PPP1R3C: variants seen among roughly 807,000 people sequenced by gnomAD.
PPP1R3C encodes PP1 subunit R5.
A neutral mutation model predicts 29.3 loss-of-function variants in PPP1R3C; 20 were observed. The observed-to-expected ratio is 0.68, with a 90% CI of 0.48 to 0.99. The LOEUF is 0.99. PPP1R3C is among the 50% of genes least tolerant of loss of function. The pLI is 0.00. For synonymous variants in PPP1R3C, 123 were observed against 143.1 expected (o/e 0.86, Z 1.00); for missense variants, 321 against 386.0 (o/e 0.83, Z 1.41).
In PPP1R3C at chr10:91,630,135, T is replaced by C. The variant is rs373998228; in HGVS notation, c.746A>G (p.Asn249Ser). The C allele has an allele frequency of 1.2e-5, 19 of 1,614,088 alleles. 1 individual carries two copies. The highest frequency in any genetic ancestry group is 2.7e-5 in the African/African-American group (2 of 74,932). The change falls in exon 2 of 2, where the codon AAT becomes AGT. Residue 249 changes from asparagine to serine, a missense_variant. By Grantham distance (46) the Asn-to-Ser change is conservative. Coordinates refer to ENST00000238994, the MANE Select transcript of PPP1R3C (RefSeq NM_005398.7). This position sits in a 1 kb window ranked among gnomAD's most constrained non-coding sequence, Gnocchi z 4.4. ...HANGQVFWDN[N>S]DGQNYRIVHV... ...AACAATTCTATAATTCTGACCATCA[T>C]TGTTGTCCCAAAAGACTTGCCCATT... is the stretch of plus-strand genomic sequence containing the variant.
In PPP1R3C at chr10:91,630,683, G is replaced by C. The variant is rs556340125; in HGVS notation, c.198C>G (p.His66Gln). Residue 66 changes from histidine to glutamine, a missense_variant, in exon 2 of 2, where the codon CAC becomes CAG. Coordinates refer to ENST00000238994, the MANE Select transcript of PPP1R3C (RefSeq NM_005398.7). This position sits in a 1 kb window ranked among gnomAD's most constrained non-coding sequence, Gnocchi z 4.4. ...TCCAGTCATTCTGTGATTTGGCTTTGTGTTTTATATTGAGACATGATTTCA... is the reference window on the plus strand; with the variant it reads ...TCCAGTCATTCTGTGATTTGGCTTTCTGTTTTATATTGAGACATGATTTCA... ...KPLKSCLNIK[H>Q]KAKSQNDWKC... is the part of the protein sequence containing the mutation. The C allele has an allele frequency of 6.2e-7, 1 of 1,613,378 alleles. No homozygotes were observed. Among genetic ancestry groups the C allele is most frequent in the South Asian group, 1.1e-5 (1 of 91,068 alleles).
chr10:91,631,432 A>G (rs1466064668), intron 1 of PPP1R3C, among the ~76,000 whole-genome samples: 3 of 152,202 alleles, frequency 2.0e-5, no homozygotes, highest in African/African-American at 7.2e-5. Flanking sequence ...AGACAGGTTC[A>G]GGAGCCACAG....
rs192984005 is a variant in PPP1R3C, at chr10:91,630,931, C to T, written c.15-65G>A. 1.4e-6 allele frequency: 2 copies of T among 1,391,676 alleles called. No individual in the cohort carries two copies. The highest frequency in any genetic ancestry group is 2.3e-5 in the East Asian group (1 of 43,746). The allele number at this position is 1,391,676 out of a possible 1,614,324, so 86.2% of individuals were successfully genotyped here. A position where few individuals can be genotyped will look rare whatever the true frequency, so the allele number is the denominator to read the frequency against. On this transcript the variant is annotated intron_variant, in intron 1 of 1. Transcript: ENST00000238994. This position sits in a 1 kb window ranked among gnomAD's most constrained non-coding sequence, Gnocchi z 4.4. ...AAATGCTCTTCCCCAGTGCCAAATA[C>T]ATATGTACTATTTTTGTGCTGACTG...
rs752149540 is a variant in PPP1R3C, at chr10:91,630,286, C to G, written c.595G>C (p.Val199Leu). 2.5e-6 allele frequency: 4 copies of G among 1,614,090 alleles called. No individual in the cohort carries two copies. The highest frequency in any genetic ancestry group is 1.6e-4 in the Middle Eastern group (1 of 6,062). Residue 199 changes from valine to leucine, a missense_variant, in exon 2 of 2, where the codon GTA (valine) becomes CTA (leucine). Coordinates refer to ENST00000238994, the MANE Select transcript of PPP1R3C (RefSeq NM_005398.7). The surrounding 1 kb of genome is among the most constrained non-coding windows in gnomAD (Gnocchi z 4.4). ...TFDSWKNYTD[V>L]DCVYMKNVYG... Reference sequence around the variant, plus strand: ...ACATTTTTCATATAGACACAGTCTACGTCAGTGTAGTTTTTCCAAGAATCG... The same window carrying G: ...ACATTTTTCATATAGACACAGTCTAGGTCAGTGTAGTTTTTCCAAGAATCG...
At chr10:91,631,502 A>G (rs1848717565) in intron 1 of PPP1R3C, among the ~76,000 whole-genome samples, 1 of 149,940 alleles carries the variant, frequency 6.7e-6, no homozygotes, top group African/African-American at 2.5e-5. Context: ...ATTGATTGAC[A>G]CTTCTCTGGT....
intron 1 of PPP1R3C, among the ~76,000 whole-genome samples, chr10:91,632,186 C>T (rs1415559955): frequency 6.6e-6 from 1 of 152,174 alleles, no homozygotes; most frequent in African/African-American, 2.4e-5. Flanking sequence ...GTCATTATCA[C>T]AAAAGTGTGT....
chr10:91,631,340 C>T (rs1480623154), intron 1 of PPP1R3C, among the ~76,000 whole-genome samples: 1 of 151,966 alleles, frequency 6.6e-6, no homozygotes, highest in African/African-American at 2.4e-5. Context: ...TCCTGGGACT[C>T]AGAACTACTG....
chr10:91,630,823 T>G lies in PPP1R3C; in HGVS notation c.58A>C (p.Met20Leu), dbSNP rs750492579. Residue 20 changes from methionine to leucine, a missense_variant, in exon 2 of 2, where the codon ATG becomes CTG. Physicochemically the swap from Met to Leu is conservative, Grantham distance 15. Coordinates refer to ENST00000238994, the MANE Select transcript of PPP1R3C (RefSeq NM_005398.7). The surrounding 1 kb of genome is among the most constrained non-coding windows in gnomAD (Gnocchi z 4.4). ...LDPRPLTSSV[M>L]PVDVAMRLCL... ...AGCCTCATGGCCACATCCACGGGCA[T>G]GACCGAACTTGTCAAAGGACGTGGA... The G allele has an allele frequency of 2.5e-6, 4 of 1,613,950 alleles. No individual in the cohort carries two copies. Among genetic ancestry groups the G allele is most frequent in the South Asian group, 1.1e-5 (1 of 91,090 alleles).
In PPP1R3C at chr10:91,630,221, A is replaced by T. The variant is rs929470089; in HGVS notation, c.660T>A (p.Ile220=). 5 of 1,614,126 alleles carry T rather than the reference A, an allele frequency of 3.1e-6. No homozygotes were observed. The Admixed American group carries it at 8.3e-5, about 27-fold the overall frequency. The change falls in exon 2 of 2, where the codon ATT becomes ATA. Residue 220 remains isoleucine (I), a synonymous_variant. Coordinates refer to ENST00000238994, the MANE Select transcript of PPP1R3C (RefSeq NM_005398.7). This position sits in a 1 kb window ranked among gnomAD's most constrained non-coding sequence, Gnocchi z 4.4. The part of the protein sequence containing the change: ...GTDSDTFSFA[I]DLPPVIPTEQ... ...CAGTTGGAATGACAGGGGGTAAGTC[A>T]ATGGCAAATGAGAAGGTATCACTAT...
rs1186775361 is a variant in PPP1R3C at position 91,630,921 on chromosome 10, G to A, written c.15-55C>T. The A allele has an allele frequency of 6.8e-7, 1 of 1,467,636 alleles. No homozygotes were observed. Among genetic ancestry groups the A allele is most frequent in the Non-Finnish European group, 9.4e-7 (1 of 1,059,550 alleles). The allele number at this position is 1,467,636 out of a possible 1,614,324, so 90.9% of individuals were successfully genotyped here. On this transcript the variant is annotated intron_variant, in intron 1 of 1. Transcript: ENST00000238994. The surrounding 1 kb of genome is among the most constrained non-coding windows in gnomAD (Gnocchi z 4.4). ...CCTGGATCGGAAATGCTCTTCCCCA[G>A]TGCCAAATACATATGTACTATTTTT...
At chr10:91,632,008 CT>C (rs1209696794) in intron 1 of PPP1R3C, among the ~76,000 whole-genome samples, 2 of 152,148 alleles carry the variant, frequency 1.3e-5, no homozygotes. Context: ...ATAAAGAAGA[CT>C]TTTCTCTGAC....
intron 1 of PPP1R3C, among the ~76,000 whole-genome samples, chr10:91,631,067 GGC>G (rs1848713777): frequency 6.6e-6 from 1 of 152,176 alleles, no homozygotes; most frequent in Admixed American, 6.5e-5. Context: ...GCCGGCTAAA[GGC>G]TATTAATTGC....
chr10:91,629,961 C>T lies in PPP1R3C; in HGVS notation c.920G>A (p.Trp307Ter). Reference sequence around the variant, plus strand: ...AGAGGCCAAGTTCTCCATTCTCCCCCAGCTCTGCCACTCTGGGAAGAGCCC... The same window carrying T: ...AGAGGCCAAGTTCTCCATTCTCCCCTAGCTCTGCCACTCTGGGAAGAGCCC... ...ASGLFPEWQSWGRMENLASYR is the reference protein window; with the variant it reads ...ASGLFPEWQS The change falls in exon 2 of 2, where the codon TGG (tryptophan) becomes TAG (stop). Residue 307 changes from tryptophan to a stop codon, truncating the protein, a stop_gained. Transcript: ENST00000238994. LOFTEE classifies it high-confidence loss of function. 1 of 1,614,210 alleles carries T rather than the reference C, an allele frequency of 6.2e-7. No individual in the cohort carries two copies. Among genetic ancestry groups the T allele is most frequent in the East Asian group, 2.2e-5 (1 of 44,880 alleles).
chr10:91,632,230 G>C (rs1040424906), intron 1 of PPP1R3C, among the ~76,000 whole-genome samples: 17 of 152,100 alleles, frequency 1.1e-4, no homozygotes, highest in African/African-American at 3.1e-4. Context: ...TGTTAGCTCT[G>C]GGGTTTTTCT....
Position 91,630,602 on chromosome 10 carries a change from G to C in PPP1R3C, c.279C>G (p.Leu93=). ...AGAAGACATGGATCGCAGTGAGAGAGAGGCCCTTGGAGTCAGCAAACACAA... is the reference window on the plus strand; with the variant it reads ...AGAAGACATGGATCGCAGTGAGAGACAGGCCCTTGGAGTCAGCAAACACAA... The part of the protein sequence containing the change: ...KRVVFADSKG[L]SLTAIHVFSD... The change falls in exon 2 of 2, where the codon CTC becomes CTG. Residue 93 remains leucine (L), a synonymous_variant. Transcript: ENST00000238994. This position sits in a 1 kb window ranked among gnomAD's most constrained non-coding sequence, Gnocchi z 4.4. 6.2e-7 allele frequency: 1 copy of C among 1,611,804 alleles called. No homozygotes were observed. The highest frequency in any genetic ancestry group is 8.5e-7 in the Non-Finnish European group (1 of 1,178,234).
rs763449779 is a variant in PPP1R3C, at chr10:91,630,584, A to G, written c.297T>C (p.His99=). The G allele has an allele frequency of 1.2e-6, 2 of 1,613,836 alleles. No individual in the cohort carries two copies. Among genetic ancestry groups the G allele is most frequent in the East Asian group, 2.2e-5 (1 of 44,864 alleles). ...DSKGLSLTAI[H]VFSDLPEEPA... is the part of the protein sequence containing the mutation. ...GTTCTTCTGGGAGGTCGGAGAAGAC[A>G]TGGATCGCAGTGAGAGAGAGGCCCT... Residue 99 remains histidine, a synonymous_variant, in exon 2 of 2, where the codon CAT becomes CAC. Transcript: ENST00000238994. The surrounding 1 kb of genome is among the most constrained non-coding windows in gnomAD (Gnocchi z 4.4).
At chr10:91,631,638 C>G (rs992223634) in intron 1 of PPP1R3C, among the ~76,000 whole-genome samples, 1 of 152,086 alleles carries the variant, frequency 6.6e-6, no homozygotes, top group Non-Finnish European at 1.5e-5. Flanking sequence ...CAAATAACCA[C>G]TGAAATACAA....
Position 91,629,917 on chromosome 10 carries a change from G to A in PPP1R3C, c.*10C>T, listed in dbSNP as rs1290351951. 3 of 1,613,678 alleles carry A rather than the reference G, an allele frequency of 1.9e-6. No individual in the cohort carries two copies. Among genetic ancestry groups the A allele is most frequent in the East Asian group, 4.5e-5 (2 of 44,874 alleles). ...ATGACAAGTCAAGACCAGTTACATT[G>A]TTGCTTAATTCATCGATAAGAGGCC... On this transcript the variant is annotated 3_prime_UTR_variant, in exon 2 of 2. Transcript: ENST00000238994.
rs933599046 is a variant in PPP1R3C at position 91,629,530 on chromosome 10, C to T, written c.*397G>A. On this transcript the variant is annotated 3_prime_UTR_variant, in exon 2 of 2. Coordinates refer to ENST00000238994, the MANE Select transcript of PPP1R3C (RefSeq NM_005398.7). Reference sequence around the variant, plus strand: ...ATGATCAGACCTCCCACTCCTCTGACTTGAGCTTCAGAGCCCTTTGTGTAT... The same window carrying T: ...ATGATCAGACCTCCCACTCCTCTGATTTGAGCTTCAGAGCCCTTTGTGTAT... 4.8e-6 allele frequency: 1 copy of T among 207,322 alleles called. No homozygotes were observed. Among genetic ancestry groups the T allele is most frequent in the African/African-American group, 2.3e-5 (1 of 43,376 alleles). 12.8% of individuals were successfully genotyped at this position (207,322 alleles called of 1,614,324 possible). A position where few individuals can be genotyped will look rare whatever the true frequency, so the allele number is the denominator to read the frequency against.
Sources: gnomAD v4.1 joint callset for allele counts (sites outside exome capture counted in the v4.1 genomes callset) on GRCh38, gnomAD v4.1.1 for gene constraint, Gnocchi (gnomAD v3.1) non-coding constraint, MANE v1.5 for transcripts, NCBI Gene and HGNC (gene_info 2026-07-23, HGNC 2026-07-21) for gene names.